Variants in UNC5C observed in about 807,000 individuals in gnomAD.
The protein encoded by UNC5C is unc-5 netrin receptor C, also known as netrin receptor UNC5C.
UNC5C carries 47 observed loss-of-function variants against 99.8 expected under a neutral mutation model. That is an observed-to-expected ratio of 0.47 (90% confidence interval 0.37 to 0.60). The LOEUF (loss-of-function observed/expected upper bound fraction) is 0.60, where lower values mean the gene tolerates loss of function less well. UNC5C is among the 20% of genes least tolerant of loss of function. UNC5C has a pLI of 0.00. For synonymous variants in UNC5C, 487 were observed against 452.2 expected, an observed-to-expected ratio of 1.08 and a Z score of -0.98; for missense variants, 1,062 against 1,165.9, an observed-to-expected ratio of 0.91 and a Z score of 1.30.
At chr4:95,494,731 CA>C (rs1721584806) in intron 1 of UNC5C, among the ~76,000 whole-genome samples, 1 of 151,368 alleles carries the variant, frequency 6.6e-6, no homozygotes, top group African/African-American at 2.4e-5. Flanking sequence ...TTTAAATATA[CA>C]ATTTAAATGA....
At chr4:95,419,609 A>G (rs980734317) in intron 1 of UNC5C, among the ~76,000 whole-genome samples, 5 of 152,208 alleles carry the variant, frequency 3.3e-5, no homozygotes, top group Non-Finnish European at 7.3e-5. Context: ...CTACTCAATT[A>G]AAGTAAACAT....
At chr4:95,272,052 C>G (rs1309297230) in intron 4 of UNC5C, among the ~76,000 whole-genome samples, 2 of 87,770 alleles carry the variant, frequency 2.3e-5, no homozygotes, top group Non-Finnish European at 4.5e-5. Context: ...CCATTACTGT[C>G]TCTTCAATAG....
chr4:95,179,547 G>C (rs1225454122), intron 14 of UNC5C, among the ~76,000 whole-genome samples: 1 of 152,104 alleles, frequency 6.6e-6, no homozygotes, highest in Non-Finnish European at 1.5e-5. Flanking sequence ...AGGAGTTCGA[G>C]ACCAGCCTAG....
chr4:95,209,911 A>G (rs1266597559), intron 10 of UNC5C, among the ~76,000 whole-genome samples: 1 of 152,200 alleles, frequency 6.6e-6, no homozygotes, highest in Non-Finnish European at 1.5e-5. Flanking sequence ...GTACCTTGAG[A>G]AGTGAACATT....
At chr4:95,278,170 C>G in intron 4 of UNC5C, 89 bp downstream of exon 4, 1 of 1,083,800 alleles carries the variant, frequency 9.2e-7, no homozygotes, top group Admixed American at 1.8e-5. Flanking sequence ...ATGCCATACC[C>G]TAATTCACTG....
At chr4:95,390,627 TA>T (rs1001119247) in intron 1 of UNC5C, among the ~76,000 whole-genome samples, 1 of 152,198 alleles carries the variant, frequency 6.6e-6, no homozygotes, top group Admixed American at 6.5e-5. Context: ...CTTTTAGTTC[TA>T]AAGTTGGTGA....
At chr4:95,367,193 T>C (rs988568648) in intron 1 of UNC5C, among the ~76,000 whole-genome samples, 1 of 151,386 alleles carries the variant, frequency 6.6e-6, no homozygotes, top group African/African-American at 2.4e-5. Flanking sequence ...CATTCTTTTT[T>C]TTTTTTTTTT....
intron 1 of UNC5C, among the ~76,000 whole-genome samples, chr4:95,478,911 C>T (rs1463250213): frequency 6.6e-6 from 1 of 151,702 alleles, no homozygotes; most frequent in Non-Finnish European, 1.5e-5. Context: ...CGTGTGAGAA[C>T]TGATTGTTAA....
chr4:95,203,010 A>G, intron 11 of UNC5C, 46 bp from the exon 12 acceptor site: 1 of 1,592,218 alleles, frequency 6.3e-7, no homozygotes, highest in Non-Finnish European at 8.6e-7. Context: ...CCCAGGACGC[A>G]TGCCGGCCAC....
At chr4:95,541,728 C>A (rs961736130) in intron 1 of UNC5C, among the ~76,000 whole-genome samples, 1 of 152,056 alleles carries the variant, frequency 6.6e-6, no homozygotes, top group East Asian at 1.9e-4. Context: ...ATATCCCTTA[C>A]AACTGGACTG....
At chr4:95,192,950 T>C (rs1409283420) in intron 12 of UNC5C, among the ~76,000 whole-genome samples, 2 of 152,220 alleles carry the variant, frequency 1.3e-5, no homozygotes, top group African/African-American at 4.8e-5. Flanking sequence ...TCTGTCTTTC[T>C]TTTCTTTCCC....
At chr4:95,260,823 G>A (rs1001893822) in intron 4 of UNC5C, among the ~76,000 whole-genome samples, 5 of 152,114 alleles carry the variant, frequency 3.3e-5, no homozygotes, top group African/African-American at 9.7e-5. Context: ...ATGGAGAGAA[G>A]TTGCCCAAGG....
intron 1 of UNC5C, among the ~76,000 whole-genome samples, chr4:95,514,871 A>C (rs1378052678): frequency 6.6e-6 from 1 of 151,450 alleles, no homozygotes; most frequent in African/African-American, 2.4e-5. Context: ...ACGGGGTTTC[A>C]CCATGTTGGC....
chr4:95,226,625 G>A (rs780779411), intron 7 of UNC5C, among the ~76,000 whole-genome samples: 39 of 152,274 alleles, frequency 2.6e-4, no homozygotes, highest in Non-Finnish European at 4.3e-4. Flanking sequence ...CGTATGCAAT[G>A]CTCTCTTCTA....
At position 95,248,145 on chromosome 4, in the gene UNC5C, C is replaced by G. The variant is rs192856763; in HGVS notation, c.775+2342G>C. Reference sequence around the variant, plus strand: ...TTGGAACAGCATAGTGGTTTCTCTTCTCATAAACACACATCCATCTGAATG... The same window carrying G: ...TTGGAACAGCATAGTGGTTTCTCTTGTCATAAACACACATCCATCTGAATG... On this transcript the variant is annotated intron_variant, in intron 5 of 15. Coordinates refer to ENST00000453304, the MANE Select transcript of UNC5C (RefSeq NM_003728.4). 578 of 166,388 alleles carry G rather than the reference C, an allele frequency of 3.5e-3. 1 individual carries two copies. Among genetic ancestry groups the G allele is most frequent in the Non-Finnish European group, 5.0e-3 (382 of 76,230 alleles). The allele number at this position is 166,388 out of a possible 1,614,324, so 10.3% of individuals were successfully genotyped here.
chr4:95,437,002 A>AG (rs988899110), intron 1 of UNC5C, among the ~76,000 whole-genome samples: 1 of 151,272 alleles, frequency 6.6e-6, no homozygotes, highest in African/African-American at 2.4e-5. Flanking sequence ...TTCTTGAAAA[A>AG]AAAAAAAAAA....
chr4:95,333,521 T>C (rs949321212), intron 2 of UNC5C, among the ~76,000 whole-genome samples: 2 of 133,506 alleles, frequency 1.5e-5, no homozygotes, highest in African/African-American at 5.7e-5. Context: ...AATTGAACAA[T>C]GAGAACACAT....
At chr4:95,177,144 G>C (rs1283487546) in intron 14 of UNC5C, among the ~76,000 whole-genome samples, 1 of 152,174 alleles carries the variant, frequency 6.6e-6, no homozygotes, top group Non-Finnish European at 1.5e-5. Flanking sequence ...CCACTGTCTG[G>C]CACTCCCTAG....
intron 1 of UNC5C, among the ~76,000 whole-genome samples, chr4:95,447,352 A>G (rs1313182459): frequency 2.0e-5 from 3 of 152,208 alleles, no homozygotes; most frequent in Admixed American, 2.0e-4. Flanking sequence ...TACATGTTTT[A>G]AGCTTCAAAA....
Sources: allele counts gnomAD v4.1 joint callset (sites outside exome capture counted in the v4.1 genomes callset), GRCh38; gene constraint gnomAD v4.1.1; transcripts MANE v1.5; gene names NCBI Gene and HGNC (gene_info 2026-07-23, HGNC 2026-07-21).